Variants in TCF12 observed in about 807,000 individuals in gnomAD.
TCF12 encodes the protein DNA-binding protein HTF4.
Under a neutral mutation model 86.0 loss-of-function variants are expected in TCF12, and 45 were observed. The ratio of observed to expected loss-of-function variants is 0.52; its 90% CI spans 0.41 to 0.67. The LOEUF is 0.67. Ranked by LOEUF, TCF12 falls within the 30% of genes least tolerant of loss-of-function variation. TCF12 has a pLI of 0.00. For missense variants in TCF12, 881 were observed against 859.9 expected (o/e 1.02, Z -0.31); for synonymous variants, 330 against 299.6 (o/e 1.10, Z -1.05).
chr15:57,252,278 T>C, intron 14 of TCF12, 143 bp from the exon 15 acceptor site: 1 of 593,618 alleles, frequency 1.7e-6, no homozygotes, highest in East Asian at 2.9e-5. Context: ...AGCCTTTTCA[T>C]ATCTTAATAA....
intron 4 of TCF12, chr15:57,072,828 T>A (rs1170735890): frequency 1.6e-6 from 1 of 642,788 alleles, no homozygotes; most frequent in Non-Finnish European, 2.1e-6. Flanking sequence ...AAAAAGGGTG[T>A]GTTTTAAAGT....
chr15:57,032,086 G>C (rs1567288592), intron 3 of TCF12, among the ~76,000 whole-genome samples: 1 of 152,138 alleles, frequency 6.6e-6, no homozygotes, highest in Non-Finnish European at 1.5e-5. Context: ...GATATCCTCA[G>C]GAAATTGGAA....
At chr15:57,098,878 G>T (rs1326008025) in intron 5 of TCF12, among the ~76,000 whole-genome samples, 1 of 152,196 alleles carries the variant, frequency 6.6e-6, no homozygotes, top group African/African-American at 2.4e-5. Flanking sequence ...CTTTCACCTT[G>T]CAAATGTTTC....
intron 5 of TCF12, among the ~76,000 whole-genome samples, chr15:57,146,922 G>C (rs1358272539): frequency 6.6e-6 from 1 of 152,328 alleles, no homozygotes; most frequent in Middle Eastern, 3.4e-3. Flanking sequence ...GAGAAATATA[G>C]TGCCTCTGTT....
At chr15:57,193,638 C>T (rs1597212527) in intron 7 of TCF12, among the ~76,000 whole-genome samples, 2 of 152,314 alleles carry the variant, frequency 1.3e-5, no homozygotes, top group Middle Eastern at 3.4e-3. Flanking sequence ...ATATAGTCCA[C>T]CAAAAGATTA....
intron 3 of TCF12, among the ~76,000 whole-genome samples, chr15:57,008,429 A>G (rs1440682185): frequency 1.3e-5 from 2 of 149,312 alleles, no homozygotes; most frequent in Non-Finnish European, 3.0e-5. Flanking sequence ...ATGTTGGAGT[A>G]TAGTGGTGCA....
chr15:57,284,773 C>T (rs1201757350), intron 20 of TCF12, among the ~76,000 whole-genome samples: 8 of 152,238 alleles, frequency 5.3e-5, no homozygotes, highest in Non-Finnish European at 1.2e-4. Flanking sequence ...CTCTCTTACT[C>T]GTTCAACTTT....
chr15:57,208,388 T>TTTTTTTTTTC (rs2057947408), intron 8 of TCF12, among the ~76,000 whole-genome samples: 2 of 99,328 alleles, frequency 2.0e-5, no homozygotes, highest in African/African-American at 4.5e-5. Context: ...TCCTTTTTTT[T>TTTTTTTTTTC]TTTTTTTTTT....
intron 15 of TCF12, 27 bp from the exon 16 acceptor site, chr15:57,253,235 A>G: frequency 6.2e-7 from 1 of 1,609,760 alleles, no homozygotes; most frequent in Non-Finnish European, 8.5e-7. Context: ...AGCAATAACC[A>G]CCATGTTTTT....
intron 8 of TCF12, among the ~76,000 whole-genome samples, chr15:57,203,237 C>A (rs2057642588): frequency 6.6e-6 from 1 of 152,140 alleles, no homozygotes. Context: ...TTTTTGTTTT[C>A]TGAACTCTCA....
chr15:57,171,172 A>G (rs1265994144), intron 6 of TCF12, among the ~76,000 whole-genome samples: 1 of 152,074 alleles, frequency 6.6e-6, no homozygotes, highest in African/African-American at 2.4e-5. Flanking sequence ...AATGTTTGAT[A>G]CAAAATAACA....
chr15:57,031,180 AC>A (rs777736117), intron 3 of TCF12, among the ~76,000 whole-genome samples: 9 of 152,016 alleles, frequency 5.9e-5, no homozygotes, highest in Non-Finnish European at 1.0e-4. Flanking sequence ...TCTGCCTCTT[AC>A]CTTTATTTTT....
chr15:57,188,051 G>A (rs1014890027), intron 6 of TCF12, among the ~76,000 whole-genome samples: 4 of 152,082 alleles, frequency 2.6e-5, no homozygotes, highest in East Asian at 3.9e-4. Context: ...TTATATATAC[G>A]AAATTTTAAG....
At chr15:56,952,720 A>G (rs1038627886) in intron 3 of TCF12, among the ~76,000 whole-genome samples, 2 of 152,198 alleles carry the variant, frequency 1.3e-5, no homozygotes, top group African/African-American at 4.8e-5. Context: ...GCGACATTGT[A>G]TACTGTGCAG....
At position 57,282,525 on chromosome 15, in the gene TCF12, A is replaced by C. The variant is rs150359060; in HGVS notation, c.2059A>C (p.Thr687Pro). 15 of 1,614,136 alleles carry C rather than the reference A, an allele frequency of 9.3e-6. No individual in the cohort carries two copies. In the East Asian group the frequency reaches 1.8e-4, roughly 19 times the overall value. The change falls in exon 20 of 21, where the codon ACC (threonine) becomes CCC (proline). Residue 687 changes from threonine to proline, a missense_variant. Physicochemically the swap from Thr to Pro is conservative, Grantham distance 38. Around this residue, in one of 3 missense-constraint regions of TCF12, gnomAD observed 69 missense variants for 64.2 expected, o/e 1.07. Transcript: ENST00000333725. ...KVSAVSAEPP[T>P]TLPGTHPGLS... ...TTCTGCCGTATCGGCAGAGCCGCCA[A>C]CCACACTGCCAGGAACCCATCCTGG...
intron 3 of TCF12, among the ~76,000 whole-genome samples, chr15:57,033,355 T>C (rs1426844412): frequency 6.6e-6 from 1 of 152,284 alleles, no homozygotes; most frequent in Admixed American, 6.5e-5. Flanking sequence ...ATTTAAAAAA[T>C]AATTTTAAAG....
At chr15:57,130,405 G>GTTTTTGTT (rs1351157349) in intron 5 of TCF12, among the ~76,000 whole-genome samples, 1 of 151,962 alleles carries the variant, frequency 6.6e-6, no homozygotes. Context: ...ACTGACTTTT[G>GTTTTTGTT]TTTTTGTTTT....
chr15:57,002,706 A>G (rs779708055), intron 3 of TCF12, among the ~76,000 whole-genome samples: 11 of 152,246 alleles, frequency 7.2e-5, no homozygotes, highest in African/African-American at 2.7e-4. Context: ...CGAACTGTCA[A>G]TCGAAACGGA....
chr15:57,205,524 C>T (rs12898356), intron 8 of TCF12, among the ~76,000 whole-genome samples: 66,331 of 151,922 alleles, frequency 0.44, 15,891 homozygotes, highest in East Asian at 0.64. Context: ...TTAAGAGTTT[C>T]GGGCTGTTAG....
Sources: allele counts gnomAD v4.1 joint callset (sites outside exome capture counted in the v4.1 genomes callset), GRCh38; gene constraint gnomAD v4.1.1; regional missense constraint gnomAD v4.1.1; transcripts MANE v1.5; gene names NCBI Gene and HGNC (gene_info 2026-07-23, HGNC 2026-07-21).